DOCK1: variants seen among roughly 807,000 people sequenced by gnomAD.
DOCK1 encodes the protein dedicator of cytokinesis protein 1.
A neutral mutation model predicts 262.7 loss-of-function variants in DOCK1; 138 were observed. The observed-to-expected ratio is 0.53, with a 90% CI of 0.46 to 0.61. The LOEUF (loss-of-function observed/expected upper bound fraction) is 0.61, where lower values mean the gene tolerates loss of function less well. Ranked by LOEUF, DOCK1 falls within the 20% of genes least tolerant of loss-of-function variation. The probability of loss-of-function intolerance (pLI) is 0.00; values close to 1 mark genes in which losing one functional copy is unlikely to be tolerated. For synonymous variants in DOCK1, 866 were observed against 867.4 expected (o/e 1.00, Z 0.03); for missense variants, 1,908 against 2,370.7 (o/e 0.80, Z 4.05).
At chr10:126,971,908 A>G (rs937974861) in intron 2 of DOCK1, among the ~76,000 whole-genome samples, 1 of 151,524 alleles carries the variant, frequency 6.6e-6, no homozygotes. Flanking sequence ...CCGTCCAATG[A>G]AGCAATATTT....
intron 49 of DOCK1, among the ~76,000 whole-genome samples, chr10:127,441,862 C>T (rs11018088): frequency 1.3e-5 from 2 of 151,928 alleles, no homozygotes; most frequent in Admixed American, 6.5e-5. Flanking sequence ...CCTCTCCAGC[C>T]AGAGCCTCCA....
chr10:127,068,462 C>T (rs1054911266), intron 23 of DOCK1, among the ~76,000 whole-genome samples: 4 of 75,358 alleles, frequency 5.3e-5, no homozygotes, highest in South Asian at 6.7e-4. Flanking sequence ...CTCCTGCCTT[C>T]GCCCCTTCGT....
At chr10:127,414,029 A>C (rs913196632) in intron 43 of DOCK1, among the ~76,000 whole-genome samples, 3 of 152,074 alleles carry the variant, frequency 2.0e-5, no homozygotes, top group Non-Finnish European at 4.4e-5. Flanking sequence ...CTCATGCCTC[A>C]GCCTCCTGAG....
At chr10:127,078,276 T>G (rs2046688786) in intron 23 of DOCK1, among the ~76,000 whole-genome samples, 1 of 152,202 alleles carries the variant, frequency 6.6e-6, no homozygotes, top group Non-Finnish European at 1.5e-5. Context: ...TTTTATTAGT[T>G]CTTTTATTTT....
At chr10:127,338,120 T>A (rs2063280047) in intron 29 of DOCK1, among the ~76,000 whole-genome samples, 2 of 152,224 alleles carry the variant, frequency 1.3e-5, no homozygotes, top group African/African-American at 2.4e-5. Context: ...TGCTCCTTGC[T>A]GTCTAAATAG....
intron 27 of DOCK1, among the ~76,000 whole-genome samples, chr10:127,189,669 A>G (rs2056569968): frequency 6.6e-6 from 1 of 152,246 alleles, no homozygotes; most frequent in South Asian, 2.1e-4. Context: ...ATTGGGCAAG[A>G]AGTCAAATGA....
Position 127,248,101 on chromosome 10 carries a change from G to T in DOCK1, c.2941G>T (p.Asp981Tyr), listed in dbSNP as rs1173349146. 2.5e-6 allele frequency: 4 copies of T among 1,613,676 alleles called. No individual in the cohort carries two copies. The African/African-American group carries it at 5.3e-5, about 22-fold the overall frequency. Residue 981 changes from aspartate to tyrosine, a missense_variant, in exon 28 of 52, where the codon GAT (aspartate) becomes TAT (tyrosine). Asp to Tyr is a radical substitution (Grantham distance 160, BLOSUM62 -3). Around this residue, in one of 9 missense-constraint regions of DOCK1, gnomAD observed 518 missense variants for 575.1 expected, o/e 0.90. Coordinates refer to ENST00000623213, the MANE Select transcript of DOCK1 (RefSeq NM_001290223.2). Reference protein sequence around the residue: ...LIKTFGKMRTDVVDFLMETFI... With the variant: ...LIKTFGKMRTYVVDFLMETFI... ...CAAGACTTTTGGGAAAATGAGGACT[G>T]ATGTGGTAGTAAGTGTCCCTTTCAC...
intron 23 of DOCK1, among the ~76,000 whole-genome samples, chr10:127,065,684 G>A (rs567582372): frequency 6.6e-6 from 1 of 152,038 alleles, no homozygotes; most frequent in African/African-American, 2.4e-5. Flanking sequence ...AGCCCTTTCC[G>A]CAGCTCCTCC....
chr10:127,205,759 A>G (rs1187329472), intron 27 of DOCK1, among the ~76,000 whole-genome samples: 7 of 152,240 alleles, frequency 4.6e-5, no homozygotes, highest in East Asian at 3.8e-4. Flanking sequence ...GATGTTTGCC[A>G]TGAAATTTAA....
At chr10:126,944,955 C>T (rs1034171748) in intron 1 of DOCK1, among the ~76,000 whole-genome samples, 10 of 152,156 alleles carry the variant, frequency 6.6e-5, no homozygotes, top group Non-Finnish European at 1.3e-4. Context: ...TCTCCTGCCT[C>T]GGCCTCCTGA....
intron 1 of DOCK1, among the ~76,000 whole-genome samples, chr10:126,928,818 C>G (rs1233593661): frequency 6.6e-6 from 1 of 152,188 alleles, no homozygotes; most frequent in Non-Finnish European, 1.5e-5. Context: ...GAGAAATGGG[C>G]TTCCTTTCTT....
chr10:127,246,328 A>T (rs1342169409), intron 27 of DOCK1, among the ~76,000 whole-genome samples: 1 of 152,232 alleles, frequency 6.6e-6, no homozygotes, highest in Non-Finnish European at 1.5e-5. Flanking sequence ...GTGGCACAGG[A>T]AGAGAAATTT....
intron 25 of DOCK1, among the ~76,000 whole-genome samples, chr10:127,115,631 C>T (rs1317085004): frequency 2.6e-5 from 4 of 152,160 alleles, no homozygotes; most frequent in African/African-American, 9.7e-5. Flanking sequence ...AACACTAGAA[C>T]ACTGACGTTT....
chr10:127,369,050 A>G (rs2065072433), intron 33 of DOCK1, among the ~76,000 whole-genome samples: 1 of 152,216 alleles, frequency 6.6e-6, no homozygotes, highest in Admixed American at 6.5e-5. Context: ...TAGTTGTAAC[A>G]GTATTAGAAC....
chr10:126,998,968 C>G (rs895694679), intron 8 of DOCK1, among the ~76,000 whole-genome samples: 11 of 151,998 alleles, frequency 7.2e-5, no homozygotes, highest in Middle Eastern at 3.2e-3. Flanking sequence ...ACTTTGTTTC[C>G]TCTTGACATA....
intron 19 of DOCK1, among the ~76,000 whole-genome samples, chr10:127,038,085 T>G (rs1171701796): frequency 6.6e-6 from 1 of 151,788 alleles, no homozygotes; most frequent in Non-Finnish European, 1.5e-5. Context: ...AATACAAAAT[T>G]AGCCGGGTGT....
intron 2 of DOCK1, among the ~76,000 whole-genome samples, chr10:126,973,088 C>T (rs534858134): frequency 1.6e-4 from 25 of 151,982 alleles, no homozygotes; most frequent in Non-Finnish European, 2.5e-4. Flanking sequence ...CTTTTGCTGC[C>T]GGTCAGTTGA....
chr10:127,364,142 G>A (rs2064757293), intron 33 of DOCK1, among the ~76,000 whole-genome samples: 1 of 152,134 alleles, frequency 6.6e-6, no homozygotes, highest in East Asian at 1.9e-4. Context: ...CAGGACCATG[G>A]GGCCCAACGC....
chr10:127,452,387 A>G lies in DOCK1; in HGVS notation c.*960A>G, dbSNP rs991123863. 6.6e-6 allele frequency: 1 copy of G among 152,610 alleles called. No individual in the cohort carries two copies. The highest frequency in any genetic ancestry group is 1.5e-5 in the Non-Finnish European group (1 of 68,028). 9.5% of individuals were successfully genotyped at this position (152,610 alleles called of 1,614,324 possible). A position where few individuals can be genotyped will look rare whatever the true frequency, so the allele number is the denominator to read the frequency against. On this transcript the variant is annotated 3_prime_UTR_variant, in exon 52 of 52. Transcript: ENST00000623213. ...TTTGGTGGACAATGATTTTTAAAAA[A>G]CTAACTTTGTATAACCTAATATTTG...
Sources: allele counts gnomAD v4.1 joint callset (sites outside exome capture counted in the v4.1 genomes callset), GRCh38; gene constraint gnomAD v4.1.1; regional missense constraint gnomAD v4.1.1; transcripts MANE v1.5; gene names NCBI Gene and HGNC (gene_info 2026-07-23, HGNC 2026-07-21).